Variants in STK32B observed in about 807,000 individuals in gnomAD.
STK32B encodes the protein serine/threonine-protein kinase 32B.
STK32B carries 43 observed loss-of-function variants against 52.6 expected under a neutral mutation model. That is an observed-to-expected ratio of 0.82 (90% CI 0.64 to 1.05). The LOEUF is 1.05. STK32B is among the 50% of genes least tolerant of loss of function. The probability of loss-of-function intolerance (pLI) is 0.00; values close to 1 mark genes in which losing one functional copy is unlikely to be tolerated. For synonymous variants in STK32B, 238 were observed against 204.3 expected (o/e 1.17, Z -1.41); for missense variants, 621 against 534.6 (o/e 1.16, Z -1.59).
chr4:5,168,371 G>A lies in STK32B; in HGVS notation c.181G>A (p.Glu61Lys), dbSNP rs372080812. The change falls in exon 3 of 12, where the codon GAG becomes AAG. Residue 61 changes from glutamate to lysine, a missense_variant. By Grantham distance (56) the Glu-to-Lys change is moderately conservative. Transcript: ENST00000282908. Reference sequence around the variant, plus strand: ...GTACATGAACAAGCAGAAGTGCATCGAGAGGGATGAGGTTCGGAATGTTTT... The same window carrying A: ...GTACATGAACAAGCAGAAGTGCATCAAGAGGGATGAGGTTCGGAATGTTTT... ...MKYMNKQKCI[E>K]RDEVRNVFRE... is the part of the protein sequence containing the mutation. 15 of 1,613,804 alleles carry A rather than the reference G, an allele frequency of 9.3e-6. No homozygotes were observed. Among genetic ancestry groups the A allele is most frequent in the African/African-American group, 5.3e-5 (4 of 74,878 alleles).
At chr4:5,146,211 G>A (rs181400152) in intron 2 of STK32B, among the ~76,000 whole-genome samples, 14 of 152,184 alleles carry the variant, frequency 9.2e-5, no homozygotes, top group Admixed American at 7.9e-4. Flanking sequence ...TGATCACAAG[G>A]TGAAGCCCCA....
At chr4:5,172,813 A>G (rs534143284) in intron 3 of STK32B, among the ~76,000 whole-genome samples, 9 of 152,132 alleles carry the variant, frequency 5.9e-5, no homozygotes, top group African/African-American at 1.2e-4. Flanking sequence ...TCAGGATGAT[A>G]CTGGCCTCAT....
intron 2 of STK32B, 152 bp from the exon 3 acceptor site, chr4:5,168,147 G>A (rs1719033419): frequency 2.1e-6 from 2 of 935,618 alleles, no homozygotes; most frequent in Admixed American, 5.7e-5. Flanking sequence ...ATGCAGAGAG[G>A]TTGTGCCTAA....
In STK32B at chr4:5,189,263, C is replaced by T. The variant is rs111495510; in HGVS notation, c.260+20813C>T. On this transcript the variant is annotated intron_variant, in intron 3 of 11. Coordinates refer to ENST00000282908, the MANE Select transcript of STK32B (RefSeq NM_018401.3). ...TGATGTGTATTCACCACTGTAGTGA[C>T]ATACGGAGCAATGTCACTGCTCTAA... is the stretch of plus-strand genomic sequence containing the variant. Among the ~76,000 whole-genome samples the T allele has an allele frequency of 5.5e-3, 831 of 152,300 alleles. 5 individuals are homozygous for T. The highest frequency in any genetic ancestry group is 0.018 in the African/African-American group (753 of 41,548).
intron 11 of STK32B, among the ~76,000 whole-genome samples, chr4:5,473,528 C>G (rs1013524173): frequency 6.6e-6 from 1 of 152,180 alleles, no homozygotes; most frequent in Non-Finnish European, 1.5e-5. Context: ...GGGCACACAG[C>G]CAAGAGGTGG....
intron 7 of STK32B, 54 bp from the exon 8 acceptor site, chr4:5,456,753 C>A: frequency 1.4e-6 from 2 of 1,424,708 alleles, no homozygotes; most frequent in Non-Finnish European, 9.6e-7. Flanking sequence ...AAAATGCGGA[C>A]GGTGCCTTCC....
At chr4:5,225,401 C>T (rs371138397) in intron 3 of STK32B, among the ~76,000 whole-genome samples, 3 of 151,570 alleles carry the variant, frequency 2.0e-5, no homozygotes, top group South Asian at 4.2e-4. Context: ...AGTAAGACTC[C>T]GTCTCGAAAA....
chr4:5,177,286 A>C (rs1719984652), intron 3 of STK32B, among the ~76,000 whole-genome samples: 1 of 152,168 alleles, frequency 6.6e-6, no homozygotes. Context: ...AGTGAGTGCC[A>C]GTGGGGAAAA....
At chr4:5,434,415 G>A (rs1265229414) in intron 6 of STK32B, among the ~76,000 whole-genome samples, 1 of 148,568 alleles carries the variant, frequency 6.7e-6, no homozygotes, top group Non-Finnish European at 1.5e-5. Flanking sequence ...GAGAGTATAT[G>A]CTATATGTGT....
intron 11 of STK32B, among the ~76,000 whole-genome samples, chr4:5,484,262 C>T (rs576425586): frequency 1.3e-5 from 2 of 152,178 alleles, no homozygotes; most frequent in South Asian, 4.1e-4. Flanking sequence ...CTCTATGAAT[C>T]TGGGTACTCC....
Position 5,252,048 on chromosome 4 carries a change from TC to T in STK32B, c.261-79167del, listed in dbSNP as rs147383546. On this transcript the variant is annotated intron_variant, in intron 3 of 11. Coordinates refer to ENST00000282908, the MANE Select transcript of STK32B (RefSeq NM_018401.3). ...TCCTTGAACTTTTCCAACCTGAAGA[TC>T]CCCCAACGAGTCTTTGAAGAAATCC... Among the ~76,000 whole-genome samples the T allele has an allele frequency of 4.5e-3, 685 of 152,180 alleles. 2 individuals carry two copies. Among genetic ancestry groups the T allele is most frequent in the African/African-American group, 0.015 (625 of 41,506 alleles).
chr4:5,309,158 A>G (rs1379411537), intron 3 of STK32B, among the ~76,000 whole-genome samples: 2 of 152,168 alleles, frequency 1.3e-5, no homozygotes, highest in Non-Finnish European at 1.5e-5. Context: ...TAGCTACAAA[A>G]TAATACATAT....
chr4:5,263,257 G>C (rs527543369), intron 3 of STK32B, among the ~76,000 whole-genome samples: 1 of 152,136 alleles, frequency 6.6e-6, no homozygotes, highest in African/African-American at 2.4e-5. Context: ...TGTATCATCC[G>C]TGCAGTCCCA....
chr4:5,141,699 G>C (rs1716468436), intron 2 of STK32B, among the ~76,000 whole-genome samples: 3 of 152,104 alleles, frequency 2.0e-5, no homozygotes, highest in Non-Finnish European at 4.4e-5. Context: ...GAAATAGTCA[G>C]ATTTTGGATA....
At chr4:5,066,562 G>C (rs1742433149) in intron 1 of STK32B, among the ~76,000 whole-genome samples, 1 of 152,122 alleles carries the variant, frequency 6.6e-6, no homozygotes, top group Non-Finnish European at 1.5e-5. Context: ...TCTAAAACCT[G>C]CCCAGCTCTC....
At chr4:5,482,053 G>C (rs1297456042) in intron 11 of STK32B, among the ~76,000 whole-genome samples, 1 of 152,170 alleles carries the variant, frequency 6.6e-6, no homozygotes, top group Non-Finnish European at 1.5e-5. Flanking sequence ...GCCTAGGATT[G>C]ACTTGGCAAT....
intron 2 of STK32B, among the ~76,000 whole-genome samples, chr4:5,147,858 A>T (rs1483134196): frequency 6.6e-6 from 1 of 151,966 alleles, no homozygotes; most frequent in African/African-American, 2.4e-5. Flanking sequence ...CATAAGGAAT[A>T]TTAGTCTGCT....
At chr4:5,111,400 G>GGT (rs985767371) in intron 1 of STK32B, among the ~76,000 whole-genome samples, 27 of 152,096 alleles carry the variant, frequency 1.8e-4, no homozygotes, top group East Asian at 5.8e-4. Context: ...AAGAAATTGT[G>GGT]GTGTGTGTGT....
At chr4:5,203,112 C>T (rs922906127) in intron 3 of STK32B, among the ~76,000 whole-genome samples, 16 of 152,106 alleles carry the variant, frequency 1.1e-4, no homozygotes, top group African/African-American at 3.6e-4. Flanking sequence ...TTTCACTCTT[C>T]TCTAAAAAGA....
Sources: gnomAD v4.1 joint callset for allele counts (sites outside exome capture counted in the v4.1 genomes callset) on GRCh38, gnomAD v4.1.1 for gene constraint, MANE v1.5 for transcripts, NCBI Gene and HGNC (gene_info 2026-07-23, HGNC 2026-07-21) for gene names.